Variants in MTA3 observed in about 807,000 individuals in gnomAD.
The protein encoded by MTA3 is metastasis-associated protein MTA3.
A neutral mutation model predicts 83.5 loss-of-function variants in MTA3; 34 were observed. The observed-to-expected ratio is 0.41, with a 90% CI of 0.31 to 0.54. MTA3 has a LOEUF of 0.54. Ranked by LOEUF, MTA3 falls within the 20% of genes least tolerant of loss-of-function variation. MTA3 has a pLI of 0.33. For missense variants in MTA3, 761 were observed against 726.4 expected (o/e 1.05, Z -0.55); for synonymous variants, 303 against 252.7 (o/e 1.20, Z -1.89).
At chr2:42,714,561 C>T (rs1387044814) in intron 14 of MTA3, among the ~76,000 whole-genome samples, 1 of 152,094 alleles carries the variant, frequency 6.6e-6, no homozygotes, top group Non-Finnish European at 1.5e-5. Context: ...CCCAGTATTT[C>T]CAAAACACTG....
Position 42,568,660 on chromosome 2 carries a change from G to C in MTA3, c.-86G>C. ...GCGAGGCAGCAGCGACGGCGGCGGC[G>C]GCAGCGGCGGTCGCGGCTGAGGCTG... On this transcript the variant is annotated 5_prime_UTR_variant, in exon 1 of 17. Transcript: ENST00000405094. 1 of 1,026,764 alleles carries C rather than the reference G, an allele frequency of 9.7e-7. No homozygotes were observed. The highest frequency in any genetic ancestry group is 4.1e-5 in the East Asian group (1 of 24,306). The allele number at this position is 1,026,764 out of a possible 1,614,324, so 63.6% of individuals were successfully genotyped here. A position where few individuals can be genotyped will look rare whatever the true frequency, so the allele number is the denominator to read the frequency against.
intron 16 of MTA3, among the ~76,000 whole-genome samples, chr2:42,752,083 T>C (rs965335118): frequency 2.0e-5 from 3 of 152,174 alleles, no homozygotes; most frequent in Admixed American, 6.5e-5. Context: ...CTGCTGAAGG[T>C]TAAATAAGGT....
chr2:42,708,787 T>G (rs760328090), intron 13 of MTA3, 87 bp from the exon 14 acceptor site: 14 of 1,350,102 alleles, frequency 1.0e-5, no homozygotes, highest in Non-Finnish European at 1.3e-5. Flanking sequence ...ATTTAAAAGT[T>G]GCACTTTTCT....
At chr2:42,649,039 C>T (rs1233803160) in intron 6 of MTA3, among the ~76,000 whole-genome samples, 1 of 152,060 alleles carries the variant, frequency 6.6e-6, no homozygotes, top group African/African-American at 2.4e-5. Flanking sequence ...TCTTGTCATG[C>T]AGTTAGCACA....
intron 14 of MTA3, among the ~76,000 whole-genome samples, chr2:42,713,968 A>G (rs1289140873): frequency 6.6e-6 from 1 of 152,212 alleles, no homozygotes; most frequent in African/African-American, 2.4e-5. Context: ...CAAGGAGCAT[A>G]CATTTTGAAT....
At chr2:42,683,747 C>T (rs772509932) in intron 9 of MTA3, among the ~76,000 whole-genome samples, 11 of 152,160 alleles carry the variant, frequency 7.2e-5, no homozygotes, top group East Asian at 3.9e-4. Context: ...AATCTAATGC[C>T]GCTGCTGATC....
chr2:42,642,422 G>A (rs926974640), intron 5 of MTA3, among the ~76,000 whole-genome samples: 1 of 151,986 alleles, frequency 6.6e-6, no homozygotes, highest in African/African-American at 2.4e-5. Flanking sequence ...TTGGGAGGTT[G>A]AGGCAGGAGG....
At chr2:42,742,402 G>T (rs556982730) in intron 16 of MTA3, among the ~76,000 whole-genome samples, 1 of 152,212 alleles carries the variant, frequency 6.6e-6, no homozygotes, top group South Asian at 2.1e-4. Context: ...GCCTCCCAAA[G>T]TGCTAGGTTT....
intron 2 of MTA3, among the ~76,000 whole-genome samples, chr2:42,505,857 C>T (rs964200007): frequency 1.3e-5 from 2 of 151,018 alleles, no homozygotes; most frequent in African/African-American, 2.4e-5. Context: ...CAGCCTCCAT[C>T]TCCCAGGTTC....
At chr2:42,606,239 C>G (rs1361012537) in intron 3 of MTA3, among the ~76,000 whole-genome samples, 2 of 145,344 alleles carry the variant, frequency 1.4e-5, no homozygotes, top group South Asian at 4.4e-4. Context: ...GGCTGCCGGG[C>G]GGAGACTCTC....
intron 8 of MTA3, among the ~76,000 whole-genome samples, chr2:42,671,775 A>G (rs6708408): frequency 0.73 from 111,125 of 152,012 alleles, 40,791 homozygotes; most frequent in South Asian, 0.88. Flanking sequence ...TGTGCTACCA[A>G]TTGTTTCCAT....
chr2:42,670,628 C>A (rs766522320), intron 8 of MTA3, among the ~76,000 whole-genome samples: 1 of 152,010 alleles, frequency 6.6e-6, no homozygotes, highest in South Asian at 2.1e-4. Flanking sequence ...CTGGCCCCTT[C>A]TGATTGGTTG....
intron 2 of MTA3, among the ~76,000 whole-genome samples, chr2:42,541,108 C>T (rs12999931): frequency 0.31 from 47,304 of 150,800 alleles, 7,541 homozygotes; most frequent in South Asian, 0.41. Context: ...CTCAGCTCAC[C>T]GCAACCTCCG....
intron 2 of MTA3, among the ~76,000 whole-genome samples, chr2:42,522,152 C>A (rs1296081425): frequency 6.6e-6 from 1 of 152,166 alleles, no homozygotes; most frequent in Non-Finnish European, 1.5e-5. Context: ...ATAGAGGCAG[C>A]CTCAGTAGTC....
At chr2:42,522,449 T>C (rs553531693) in intron 2 of MTA3, among the ~76,000 whole-genome samples, 1 of 152,030 alleles carries the variant, frequency 6.6e-6, no homozygotes, top group South Asian at 2.1e-4. Context: ...TGGAATGATA[T>C]CTCTAGGCAA....
In MTA3 at chr2:42,594,705, C is replaced by CATATATATATATATAT. The variant is rs1167117095; in HGVS notation, c.191-14744_191-14729dup. ...ATACATATATACATATATAAATATA[C>CATATATATATATATAT]ATATATATATATATATATATATATT... is the stretch of plus-strand genomic sequence containing the variant. On this transcript the variant is annotated intron_variant, in intron 3 of 16. Coordinates refer to ENST00000405094, the MANE Select transcript of MTA3 (RefSeq NM_001330442.2). Among the ~76,000 whole-genome samples the CATATATATATATATAT allele has an allele frequency of 1.2e-3, 58 of 46,474 alleles. 1 individual carries two copies. The highest frequency in any genetic ancestry group is 6.8e-3 in the South Asian group (4 of 590). The allele number at this position is 46,474 out of a possible 152,430, so 30.5% of individuals were successfully genotyped here.
At chr2:42,606,331 T>A (rs564834909) in intron 3 of MTA3, among the ~76,000 whole-genome samples, 6 of 144,686 alleles carry the variant, frequency 4.1e-5, no homozygotes, top group East Asian at 2.1e-4. Flanking sequence ...GAGAGGCTCC[T>A]CACCTCTCAG....
intron 4 of MTA3, among the ~76,000 whole-genome samples, chr2:42,637,559 A>G (rs1367018031): frequency 6.6e-6 from 1 of 152,230 alleles, no homozygotes; most frequent in Non-Finnish European, 1.5e-5. Context: ...TTGGCATGGT[A>G]ATATATGTGT....
At chr2:42,565,491 C>T (rs1677870906), upstream of MTA3, among the ~76,000 whole-genome samples, 1 of 151,982 alleles carries the variant, frequency 6.6e-6, no homozygotes, top group South Asian at 2.1e-4. Context: ...TTGCTGCATC[C>T]ACTTCTCTTC....
Sources: gnomAD v4.1 joint callset for allele counts (sites outside exome capture counted in the v4.1 genomes callset) on GRCh38, gnomAD v4.1.1 for gene constraint, MANE v1.5 for transcripts, NCBI Gene and HGNC (gene_info 2026-07-23, HGNC 2026-07-21) for gene names.